Variants in PRDM5 observed in about 807,000 individuals in gnomAD.
The protein encoded by PRDM5 is PR/SET domain 5.
In PRDM5, 56 loss-of-function variants were observed where a neutral mutation model predicts 81.2. The ratio of observed to expected loss-of-function variants is 0.69; its 90% CI spans 0.56 to 0.86. The LOEUF (loss-of-function observed/expected upper bound fraction) is 0.86. Ranked by LOEUF, PRDM5 falls within the 40% of genes least tolerant of loss-of-function variation. The pLI, the probability that PRDM5 is intolerant of heterozygous loss-of-function variation, is 0.00. For synonymous variants in PRDM5, 267 were observed against 256.4 expected (o/e 1.04, Z -0.39); for missense variants, 697 against 770.1 (o/e 0.91, Z 1.12).
At chr4:120,912,781 T>A (rs1766665220) in intron 1 of PRDM5, among the ~76,000 whole-genome samples, 1 of 152,114 alleles carries the variant, frequency 6.6e-6, no homozygotes, top group Non-Finnish European at 1.5e-5. Context: ...AGTTCAGAAA[T>A]AAAAAATATA....
At chr4:120,858,568 C>T (rs1004306621) in intron 2 of PRDM5, among the ~76,000 whole-genome samples, 11 of 150,256 alleles carry the variant, frequency 7.3e-5, no homozygotes, top group Non-Finnish European at 7.4e-5. Flanking sequence ...TGCTTATGAA[C>T]GCGTGCGTGC....
intron 14 of PRDM5, among the ~76,000 whole-genome samples, chr4:120,735,106 A>G (rs1004388398): frequency 6.6e-6 from 1 of 152,212 alleles, no homozygotes; most frequent in African/African-American, 2.4e-5. Flanking sequence ...TTCTCTATAC[A>G]TGTAACAACT....
At chr4:120,790,950 C>T (rs1436610054) in intron 10 of PRDM5, among the ~76,000 whole-genome samples, 1 of 148,038 alleles carries the variant, frequency 6.8e-6, no homozygotes. Flanking sequence ...CAAAAACAAA[C>T]AAACAAAAAA....
intron 1 of PRDM5, among the ~76,000 whole-genome samples, chr4:120,919,714 A>G (rs1724655732): frequency 6.6e-6 from 1 of 152,196 alleles, no homozygotes; most frequent in Non-Finnish European, 1.5e-5. Flanking sequence ...TTGCAACCTA[A>G]AATGCCACAT....
chr4:120,695,389 G>A (rs1734414787), intron 15 of PRDM5, 114 bp from the exon 16 acceptor site: 11 of 1,191,678 alleles, frequency 9.2e-6, no homozygotes, highest in South Asian at 1.3e-5. Context: ...CATTTAATCG[G>A]TGTCCTTTGT....
intron 2 of PRDM5, among the ~76,000 whole-genome samples, chr4:120,906,376 A>AT (rs1418411134): frequency 6.6e-6 from 1 of 152,226 alleles, no homozygotes; most frequent in Non-Finnish European, 1.5e-5. Flanking sequence ...GCAATAGGCT[A>AT]TACCCTATAG....
chr4:120,807,780 G>A (rs530118141), intron 8 of PRDM5, among the ~76,000 whole-genome samples: 19 of 152,040 alleles, frequency 1.2e-4, no homozygotes, highest in African/African-American at 3.6e-4. Flanking sequence ...GGCTTCAGGA[G>A]TGAAGCTGCA....
At chr4:120,779,665 C>T (rs1055786094) in intron 12 of PRDM5, among the ~76,000 whole-genome samples, 3 of 152,022 alleles carry the variant, frequency 2.0e-5, no homozygotes, top group African/African-American at 7.2e-5. Flanking sequence ...ACTTTGGGAA[C>T]CCAAGGCGGG....
intron 13 of PRDM5, among the ~76,000 whole-genome samples, chr4:120,775,192 A>G (rs1432344055): frequency 1.3e-5 from 2 of 151,698 alleles, no homozygotes; most frequent in African/African-American, 4.8e-5. Context: ...AATGATACAT[A>G]AAGTGATTTG....
intron 2 of PRDM5, among the ~76,000 whole-genome samples, chr4:120,897,834 C>T (rs1035933267): frequency 6.6e-6 from 1 of 152,166 alleles, no homozygotes; most frequent in African/African-American, 2.4e-5. Context: ...ATCTCTTCCT[C>T]TTTTTGTCTC....
intron 1 of PRDM5, among the ~76,000 whole-genome samples, chr4:120,921,851 T>C (rs1019259192): frequency 1.3e-5 from 2 of 151,660 alleles, no homozygotes; most frequent in African/African-American, 4.9e-5. Context: ...ATCGAACCGA[T>C]GTTGGAGACA....
chr4:120,772,182 G>T (rs1313545889), intron 13 of PRDM5, among the ~76,000 whole-genome samples: 1 of 152,130 alleles, frequency 6.6e-6, no homozygotes, highest in African/African-American at 2.4e-5. Context: ...CAACTCTCTA[G>T]GCGGGAAAAG....
At chr4:120,762,352 T>C (rs984236402) in intron 13 of PRDM5, 6 of 152,148 alleles carry the variant, frequency 3.9e-5, no homozygotes, top group Non-Finnish European at 8.8e-5. Context: ...AAAGCAAACC[T>C]CAAAAGTGTA....
chr4:120,813,261 C>G lies in PRDM5; in HGVS notation c.866-1812G>C, dbSNP rs182188857. Among the ~76,000 whole-genome samples the G allele has an allele frequency of 6.6e-5, 10 of 152,150 alleles. 1 individual carries two copies. Among genetic ancestry groups the G allele is most frequent in the Admixed American group, 3.3e-4 (5 of 15,288 alleles). ...TATCAAATGCACCACAATGAATAAC[C>G]ATAAAATATGTTTTCAACTTTTAAT... On this transcript the variant is annotated intron_variant, in intron 7 of 15. Transcript: ENST00000264808.
chr4:120,751,280 C>T (rs997830932), intron 14 of PRDM5, among the ~76,000 whole-genome samples: 9 of 151,962 alleles, frequency 5.9e-5, no homozygotes, highest in African/African-American at 1.9e-4. Flanking sequence ...AAATGCACTC[C>T]TTCAATAGGC....
At chr4:120,901,082 A>AT in intron 2 of PRDM5, among the ~76,000 whole-genome samples, 1 of 152,068 alleles carries the variant, frequency 6.6e-6, no homozygotes, top group Non-Finnish European at 1.5e-5. Flanking sequence ...AAATTTTTAA[A>AT]TTTTTTGTTT....
intron 2 of PRDM5, among the ~76,000 whole-genome samples, chr4:120,899,537 T>C (rs991743144): frequency 2.6e-5 from 4 of 152,150 alleles, no homozygotes; most frequent in African/African-American, 9.7e-5. Flanking sequence ...TTGCATGCTG[T>C]AGGGATAGGA....
At chr4:120,917,025 C>T (rs1273373189) in intron 1 of PRDM5, among the ~76,000 whole-genome samples, 1 of 152,254 alleles carries the variant, frequency 6.6e-6, no homozygotes, top group Non-Finnish European at 1.5e-5. Flanking sequence ...TTGTTCAAAA[C>T]TCTGCAGTGC....
intron 8 of PRDM5, among the ~76,000 whole-genome samples, chr4:120,807,833 C>T (rs917561771): frequency 3.3e-5 from 5 of 150,900 alleles, no homozygotes; most frequent in African/African-American, 4.9e-5. Flanking sequence ...GTGGTGTGTC[C>T]GGAGTTTGTT....
Sources: allele counts gnomAD v4.1 joint callset (sites outside exome capture counted in the v4.1 genomes callset), GRCh38; gene constraint gnomAD v4.1.1; transcripts MANE v1.5; gene names NCBI Gene and HGNC (gene_info 2026-07-23, HGNC 2026-07-21).